The following CACNA1H variants were observed in gnomAD, a reference collection of about 807,000 sequenced individuals.
CACNA1H encodes the protein voltage-dependent T-type calcium channel subunit alpha-1H.
Under a neutral mutation model 192.5 loss-of-function variants are expected in CACNA1H, and 149 were observed. The ratio of observed to expected loss-of-function variants is 0.77; its 90% confidence interval spans 0.68 to 0.89. The LOEUF (loss-of-function observed/expected upper bound fraction) is 0.89, where lower values mean the gene tolerates loss of function less well. Among genes scored for constraint, CACNA1H ranks in the 40% least tolerant of loss-of-function variants. The pLI, the probability that CACNA1H is intolerant of heterozygous loss-of-function variation, is 0.00. For synonymous variants in CACNA1H, 2,202 were observed against 1,475.2 expected (o/e 1.49, Z -11.29); for missense variants, 4,257 against 3,423.5 (o/e 1.24, Z -6.08).
intron 2 of CACNA1H, among the ~76,000 whole-genome samples, chr16:1,185,495 G>A: frequency 6.9e-6 from 1 of 144,640 alleles, no homozygotes; most frequent in African/African-American, 2.8e-5. Context: ...GCTGCCATCT[G>A]CAGAGTCCCC....
At chr16:1,217,852 C>T (rs966935640) in intron 31 of CACNA1H, 67 bp from the exon 32 acceptor site, 44 of 1,514,876 alleles carry the variant, frequency 2.9e-5, no homozygotes, top group Non-Finnish European at 3.3e-5. Flanking sequence ...CATGTGGAGG[C>T]TGGGTGCATG....
In CACNA1H at chr16:1,205,370, G is replaced by C. The variant is rs1473434289; in HGVS notation, c.2603+105G>C. On this transcript the variant is annotated intron_variant, in intron 11 of 34. Coordinates refer to ENST00000348261, the MANE Select transcript of CACNA1H (RefSeq NM_021098.3). The stretch of plus-strand genomic sequence containing the variant: ...CCCAGAGCACAGGAGGAAGTACGAC[G>C]ATAGCTCTTTATGACAGGCCGTGGG... 4.1e-5 allele frequency: 51 copies of C among 1,241,896 alleles called. No individual in the cohort carries two copies. The East Asian group carries it at 1.2e-3, about 29-fold the overall frequency. 76.9% of individuals were successfully genotyped at this position (1,241,896 alleles called of 1,614,324 possible).
chr16:1,204,081 A>G lies in CACNA1H; in HGVS notation c.2074A>G (p.Thr692Ala), dbSNP rs1411100904. 4 of 1,607,560 alleles carry G rather than the reference A, an allele frequency of 2.5e-6. No individual in the cohort carries two copies. In the South Asian group the frequency reaches 4.5e-5, roughly 18 times the overall value. Residue 692 changes from threonine (T) to alanine (A), a missense_variant, in exon 10 of 35, where the codon ACA (threonine) becomes GCA (alanine). Thr to Ala is a moderately conservative substitution (Grantham distance 58). Coordinates refer to ENST00000348261, the MANE Select transcript of CACNA1H (RefSeq NM_021098.3). ...CCCCCTGCCCAGCCCCCCAGCGGGC[A>G]CACTGACCTGTGAGCTGAAGAGCTG... ...PCPLPSPPAGTLTCELKSCPY... is the reference protein window; with the variant it reads ...PCPLPSPPAGALTCELKSCPY...
At chr16:1,202,950 G>A (rs529333288) in intron 9 of CACNA1H, among the ~76,000 whole-genome samples, 6 of 152,130 alleles carry the variant, frequency 3.9e-5, no homozygotes, top group Admixed American at 2.0e-4. Context: ...TCTCCTATGC[G>A]GGGCCTGGGC....
intron 25 of CACNA1H, 89 bp downstream of exon 25, chr16:1,212,227 C>T (rs1279446111): frequency 6.8e-7 from 1 of 1,474,914 alleles, no homozygotes; most frequent in Non-Finnish European, 9.0e-7. Context: ...GCCCCGGCCT[C>T]CCCGAATGGC....
At chr16:1,189,341 G>A (rs943556900) in intron 2 of CACNA1H, among the ~76,000 whole-genome samples, 2 of 148,548 alleles carry the variant, frequency 1.3e-5, no homozygotes, top group African/African-American at 4.9e-5. Flanking sequence ...TTGGAGATGT[G>A]AGGAAGGGGA....
chr16:1,218,162 A>G (rs1596475351), intron 32 of CACNA1H, 48 bp from the exon 33 acceptor site: 1 of 1,534,298 alleles, frequency 6.5e-7, no homozygotes, highest in African/African-American at 1.4e-5. Context: ...CCAGGGTGGC[A>G]CCCGCGGGTG....
chr16:1,200,655 A>T, intron 7 of CACNA1H, 61 bp from the exon 8 acceptor site: 3 of 1,571,526 alleles, frequency 1.9e-6, no homozygotes, highest in Non-Finnish European at 2.6e-6. Flanking sequence ...CCCAGACCCC[A>T]GGGGCACGGG....
intron 2 of CACNA1H, 55 bp downstream of exon 2, chr16:1,154,091 G>GGC (rs2151605949): frequency 4.4e-6 from 1 of 225,202 alleles, no homozygotes; most frequent in Non-Finnish European, 8.2e-6. Context: ...GAGGGTGGGG[G>GGC]CCCGGGGCGC....
At chr16:1,154,194 C>T (rs527719120) in intron 2 of CACNA1H, among the ~76,000 whole-genome samples, 158 bp downstream of exon 2, 52 of 151,576 alleles carry the variant, frequency 3.4e-4, no homozygotes, top group African/African-American at 1.3e-3. Context: ...GCTGGAGGAC[C>T]GCGCTCTAAT....
intron 2 of CACNA1H, among the ~76,000 whole-genome samples, chr16:1,186,168 G>C (rs1966034307): frequency 6.6e-6 from 1 of 151,762 alleles, no homozygotes; most frequent in Non-Finnish European, 1.5e-5. Context: ...GCGTGCGTAG[G>C]GGCCGGAGGC....
chr16:1,173,118 G>A (rs11861252), intron 2 of CACNA1H, among the ~76,000 whole-genome samples: 7,602 of 152,246 alleles, frequency 0.05, 617 homozygotes, highest in African/African-American at 0.17. Flanking sequence ...GGGGTGTCGA[G>A]GTGTGGGGCA....
chr16:1,168,694 T>C (rs186926354), intron 2 of CACNA1H, among the ~76,000 whole-genome samples: 10 of 152,146 alleles, frequency 6.6e-5, no homozygotes, highest in African/African-American at 2.2e-4. Flanking sequence ...GCCCCACTCA[T>C]TGCCCTCCAG....
intron 8 of CACNA1H, 114 bp from the exon 9 acceptor site, chr16:1,201,549 G>T (rs1055130566): frequency 3.1e-6 from 4 of 1,299,284 alleles, no homozygotes; most frequent in Non-Finnish European, 3.1e-6. Flanking sequence ...AGGGCACCTC[G>T]CCCACTGTGC....
At chr16:1,169,660 G>C (rs1964168527) in intron 2 of CACNA1H, among the ~76,000 whole-genome samples, 1 of 152,246 alleles carries the variant, frequency 6.6e-6, no homozygotes, top group African/African-American at 2.4e-5. Flanking sequence ...GGAGGCCCCA[G>C]CCCACTTGTC....
rs1303395495 is a variant in CACNA1H at position 1,210,494 on chromosome 16, G to A, written c.3969+1G>A. On this transcript the variant is annotated splice_donor_variant, in intron 19 of 34. Coordinates refer to ENST00000348261, the MANE Select transcript of CACNA1H (RefSeq NM_021098.3). LOFTEE classifies it high-confidence loss of function. ...GCCTGACATTGATCCCGGCAGCACC[G>A]TGAGTCAGCCAACCCCATCGTCCCG... 2.5e-6 allele frequency: 4 copies of A among 1,611,620 alleles called. No individual in the cohort carries two copies. Among genetic ancestry groups the A allele is most frequent in the Non-Finnish European group, 3.4e-6 (4 of 1,179,692 alleles).
chr16:1,217,994 C>A lies in CACNA1H; in HGVS notation c.5399C>A (p.Thr1800Lys). ...AGCAACTTCGGCATGGCCTTCCTCA[C>A]GCTGTTCCGCGTGTCCACGGGGGAC... ...TFSNFGMAFL[T>K]LFRVSTGDNW... Residue 1800 changes from threonine to lysine, a missense_variant, in exon 32 of 35, where the codon ACG (threonine) becomes AAG (lysine). Physicochemically the swap from Thr to Lys is moderately conservative, Grantham distance 78 (BLOSUM62 -1). Transcript: ENST00000348261. 2.5e-6 allele frequency: 4 copies of A among 1,602,720 alleles called. No homozygotes were observed. Among genetic ancestry groups the A allele is most frequent in the Non-Finnish European group, 3.4e-6 (4 of 1,175,298 alleles).
chr16:1,156,481 C>T (rs994829846), intron 2 of CACNA1H, among the ~76,000 whole-genome samples: 7 of 152,116 alleles, frequency 4.6e-5, no homozygotes, highest in African/African-American at 1.4e-4. Context: ...ATGGCTGAGG[C>T]TTTCCAGAGC....
chr16:1,164,638 G>C (rs1383640869), intron 2 of CACNA1H, among the ~76,000 whole-genome samples: 3 of 152,272 alleles, frequency 2.0e-5, no homozygotes, highest in Non-Finnish European at 4.4e-5. Flanking sequence ...CTGCTGCACA[G>C]AATGGGGCAC....
Sources: allele counts gnomAD v4.1 joint callset (sites outside exome capture counted in the v4.1 genomes callset), GRCh38; gene constraint gnomAD v4.1.1; transcripts MANE v1.5; gene names NCBI Gene and HGNC (gene_info 2026-07-23, HGNC 2026-07-21).